The following TMEM132D variants were observed in gnomAD, a reference collection of about 807,000 sequenced individuals.
TMEM132D encodes transmembrane protein 132D.
Under a neutral mutation model 62.3 loss-of-function variants are expected in TMEM132D, and 21 were observed. The observed-to-expected ratio is 0.34, with a 90% CI of 0.24 to 0.49. The LOEUF (loss-of-function observed/expected upper bound fraction) is 0.49. Ranked by LOEUF, TMEM132D falls within the 20% of genes least tolerant of loss-of-function variation. TMEM132D has a pLI of 0.99. For missense variants in TMEM132D, 1,346 were observed against 1,402.8 expected (o/e 0.96, Z 0.65); for synonymous variants, 621 against 575.6 (o/e 1.08, Z -1.13).
At chr12:129,444,047 T>C (rs6486468) in intron 3 of TMEM132D, among the ~76,000 whole-genome samples, 53,809 of 152,002 alleles carry the variant, frequency 0.35, 10,482 homozygotes, top group East Asian at 0.78. Context: ...CTGGGATAAC[T>C]GGCTAGCCAT....
intron 3 of TMEM132D, among the ~76,000 whole-genome samples, chr12:129,397,242 T>C (rs1871456865): frequency 6.6e-6 from 1 of 152,202 alleles, no homozygotes; most frequent in African/African-American, 2.4e-5. Flanking sequence ...CAAATGGTCT[T>C]TTGTAAATTC....
chr12:129,543,735 C>A (rs1876656057), intron 2 of TMEM132D, among the ~76,000 whole-genome samples: 1 of 152,190 alleles, frequency 6.6e-6, no homozygotes, highest in Non-Finnish European at 1.5e-5. Flanking sequence ...AGTTGAACCA[C>A]CATAAGCTAA....
chr12:129,574,434 A>T (rs28699532), intron 2 of TMEM132D, among the ~76,000 whole-genome samples: 1,626 of 152,040 alleles, frequency 0.011, 80 homozygotes, highest in African/African-American at 0.037. Flanking sequence ...GTCAAAAAAC[A>T]ATTAGAGAGC....
In TMEM132D at chr12:129,700,548, G is replaced by C. The variant is rs2137227613; in HGVS notation, c.230C>G (p.Ser77Cys). Residue 77 changes from serine (S) to cysteine (C), a missense_variant, in exon 2 of 9, where the codon TCC becomes TGC. Transcript: ENST00000422113. Reference sequence around the variant, plus strand: ...GTAAATCAGAAATGACTCCACCCGGGACTGCAGGCTGGAGTTCCTCATGAT... The same window carrying C: ...GTAAATCAGAAATGACTCCACCCGGCACTGCAGGCTGGAGTTCCTCATGAT... ...QDIMRNSSLQ[S>C]RVESFLIYKS... is the part of the protein sequence containing the mutation. 2 of 1,614,078 alleles carry C rather than the reference G, an allele frequency of 1.2e-6. No homozygotes were observed. Among genetic ancestry groups the C allele is most frequent in the Non-Finnish European group, 1.7e-6 (2 of 1,180,022 alleles).
At chr12:129,346,535 T>C (rs947185860) in intron 3 of TMEM132D, among the ~76,000 whole-genome samples, 3 of 152,156 alleles carry the variant, frequency 2.0e-5, no homozygotes, top group African/African-American at 4.8e-5. Context: ...CGTTAGGGTG[T>C]CGAGTTTAGG....
intron 3 of TMEM132D, among the ~76,000 whole-genome samples, chr12:129,392,819 A>T (rs981127241): frequency 1.3e-5 from 2 of 152,218 alleles, no homozygotes; most frequent in East Asian, 3.8e-4. Flanking sequence ...GGCAAACTCG[A>T]ATGTCTACAA....
At chr12:129,882,598 T>C (rs80113325) in intron 1 of TMEM132D, among the ~76,000 whole-genome samples, 3 of 152,156 alleles carry the variant, frequency 2.0e-5, no homozygotes, top group African/African-American at 7.2e-5. Context: ...AAGAAGGACA[T>C]TAAATGCTCC....
At chr12:129,525,977 A>G (rs1479044561) in intron 3 of TMEM132D, among the ~76,000 whole-genome samples, 1 of 152,212 alleles carries the variant, frequency 6.6e-6, no homozygotes, top group African/African-American at 2.4e-5. Flanking sequence ...TGGTTGGGTG[A>G]TACTCAGATT....
At chr12:129,400,522 C>G (rs1343553469) in intron 3 of TMEM132D, among the ~76,000 whole-genome samples, 1 of 152,142 alleles carries the variant, frequency 6.6e-6, no homozygotes, top group African/African-American at 2.4e-5. Flanking sequence ...ACTAAGAACC[C>G]ATGACTGTAT....
chr12:129,241,383 T>C (rs978890556), intron 4 of TMEM132D, among the ~76,000 whole-genome samples: 1 of 152,156 alleles, frequency 6.6e-6, no homozygotes, highest in Admixed American at 6.5e-5. Context: ...ATGACACATA[T>C]GTTTCGCTCT....
intron 3 of TMEM132D, among the ~76,000 whole-genome samples, chr12:129,384,741 C>A (rs1871056189): frequency 6.6e-6 from 1 of 152,180 alleles, no homozygotes; most frequent in African/African-American, 2.4e-5. Flanking sequence ...CAAACACAGT[C>A]TCCAGGTGAT....
chr12:129,166,137 C>T (rs1877538660), intron 5 of TMEM132D, among the ~76,000 whole-genome samples: 1 of 152,196 alleles, frequency 6.6e-6, no homozygotes, highest in Admixed American at 6.5e-5. Flanking sequence ...CTAATTTTCA[C>T]AGCAGGCACC....
Position 129,487,211 on chromosome 12 carries a change from C to T in TMEM132D, c.1115+43848G>A, listed in dbSNP as rs141666096. Among the ~76,000 whole-genome samples, 546 of 152,222 alleles carry T rather than the reference C, an allele frequency of 3.6e-3. 2 individuals are homozygous for T. Among genetic ancestry groups the T allele is most frequent in the African/African-American group, 0.013 (528 of 41,538 alleles). ...CCCAGCGTGCATGGGAGAGACAAGG[C>T]GTGAAACTGTACCTGCAGCTCCAGG... On this transcript the variant is annotated intron_variant, in intron 3 of 8. Transcript: ENST00000422113.
intron 3 of TMEM132D, among the ~76,000 whole-genome samples, chr12:129,527,944 A>G (rs1281885692): frequency 6.6e-6 from 1 of 152,228 alleles, no homozygotes; most frequent in Admixed American, 6.5e-5. Flanking sequence ...CACTAGCACA[A>G]AAGTGTCTCC....
intron 5 of TMEM132D, among the ~76,000 whole-genome samples, chr12:129,119,539 C>G (rs1875996082): frequency 6.6e-6 from 1 of 152,174 alleles, no homozygotes; most frequent in East Asian, 1.9e-4. Context: ...AGGCTTTATA[C>G]AAAGAGACTT....
At chr12:129,264,437 C>T (rs938880605) in intron 4 of TMEM132D, among the ~76,000 whole-genome samples, 1 of 152,098 alleles carries the variant, frequency 6.6e-6, no homozygotes, top group African/African-American at 2.4e-5. Context: ...GGCGTGGATG[C>T]TGTGATCAGG....
chr12:129,239,394 A>G (rs930312141), intron 4 of TMEM132D, among the ~76,000 whole-genome samples: 6 of 152,278 alleles, frequency 3.9e-5, no homozygotes, highest in Non-Finnish European at 8.8e-5. Flanking sequence ...TAGATGGTGT[A>G]AGGTAAGGGC....
In TMEM132D at chr12:129,614,565, T is replaced by A. The variant is rs117315290; in HGVS notation, c.969-83360A>T. Among the ~76,000 whole-genome samples the A allele has an allele frequency of 7.4e-3, 1,131 of 152,352 alleles. 47 individuals carry two copies. The East Asian group carries it at 0.088, about 12-fold the overall frequency. On this transcript the variant is annotated intron_variant, in intron 2 of 8. Coordinates refer to ENST00000422113, the MANE Select transcript of TMEM132D (RefSeq NM_133448.3). ...ATCCCAATCACTAATATCTCTGAAGTATCTTTGCCATAGCGAACGGCAGTC... is the reference window on the plus strand; with the variant it reads ...ATCCCAATCACTAATATCTCTGAAGAATCTTTGCCATAGCGAACGGCAGTC...
At chr12:129,897,972 T>C (rs1054943692) in intron 1 of TMEM132D, among the ~76,000 whole-genome samples, 1 of 152,342 alleles carries the variant, frequency 6.6e-6, no homozygotes, top group Admixed American at 6.5e-5. Context: ...ATTCAGACTC[T>C]GCCTGTCTTT....
Sources: gnomAD v4.1 joint callset for allele counts (sites outside exome capture counted in the v4.1 genomes callset) on GRCh38, gnomAD v4.1.1 for gene constraint, MANE v1.5 for transcripts, NCBI Gene and HGNC (gene_info 2026-07-23, HGNC 2026-07-21) for gene names.